Variants in ADK observed in about 807,000 individuals in gnomAD.
ADK encodes the protein adenosine kinase, also known as N6,N6-dimethyladenosine kinase.
A neutral mutation model predicts 44.7 loss-of-function variants in ADK; 24 were observed. That is an observed-to-expected ratio of 0.54 (90% CI 0.39 to 0.76). The LOEUF (loss-of-function observed/expected upper bound fraction) is 0.76. Ranked by LOEUF, ADK falls within the 30% of genes least tolerant of loss-of-function variation. The pLI, the probability that ADK is intolerant of heterozygous loss-of-function variation, is 0.00. For synonymous variants in ADK, 128 were observed against 142.6 expected (o/e 0.90, Z 0.73); for missense variants, 321 against 425.1 (o/e 0.76, Z 2.15).
chr10:74,188,031 T>C (rs1388324826), intron 1 of ADK, among the ~76,000 whole-genome samples: 2 of 152,252 alleles, frequency 1.3e-5, no homozygotes, highest in South Asian at 2.1e-4. Context: ...TAAATTAGTG[T>C]AATTACTTTT....
chr10:74,303,585 G>GTTTTTTTTTTTTTTTTTTTTTTTTTTT lies in ADK; in HGVS notation c.195-11080_195-11079insTTTTTTTTTTTTTTTTTTTTTTTTTTT, dbSNP rs1282565148. Among the ~76,000 whole-genome samples, 242 of 64,642 alleles carry GTTTTTTTTTTTTTTTTTTTTTTTTTTT rather than the reference G, an allele frequency of 3.7e-3. 84 individuals carry two copies. The highest frequency in any genetic ancestry group is 4.7e-3 in the Non-Finnish European group (190 of 40,792). The allele number at this position is 64,642 out of a possible 152,430, so 42.4% of individuals were successfully genotyped here. A position where few individuals can be genotyped will look rare whatever the true frequency, so the allele number is the denominator to read the frequency against. On this transcript the variant is annotated intron_variant, in intron 3 of 10. Transcript: ENST00000539909. ...AAACACTTTTCATATTGGTTTTAAT[G>GTTTTTTTTTTTTTTTTTTTTTTTTTTT]TTGTTTTTTTTTTTTTTTTTTTTTT...
At chr10:74,588,506 T>A (rs1045874048) in intron 7 of ADK, among the ~76,000 whole-genome samples, 3 of 152,194 alleles carry the variant, frequency 2.0e-5, no homozygotes, top group Non-Finnish European at 4.4e-5. Flanking sequence ...TGTTCCCCTA[T>A]CCTCTGTATT....
chr10:74,691,014 C>T (rs1471296963), intron 10 of ADK, among the ~76,000 whole-genome samples: 1 of 152,172 alleles, frequency 6.6e-6, no homozygotes. Flanking sequence ...TATAATTTAT[C>T]TTATTCCCTT....
intron 3 of ADK, among the ~76,000 whole-genome samples, chr10:74,275,882 C>T (rs184977960): frequency 6.6e-6 from 1 of 152,270 alleles, no homozygotes; most frequent in African/African-American, 2.4e-5. Flanking sequence ...CTCAGGTGAT[C>T]TGCCTGCCTC....
At chr10:74,656,856 G>A (rs893343543) in intron 9 of ADK, among the ~76,000 whole-genome samples, 3 of 152,092 alleles carry the variant, frequency 2.0e-5, no homozygotes, top group African/African-American at 7.2e-5. Flanking sequence ...GTGTTTTGTG[G>A]TGTTTGTTTT....
chr10:74,233,800 T>G (rs937897951), intron 3 of ADK, among the ~76,000 whole-genome samples: 24 of 152,308 alleles, frequency 1.6e-4, no homozygotes, highest in Non-Finnish European at 2.9e-4. Context: ...GCTTCTGAAT[T>G]TCTAGCATAA....
intron 1 of ADK, among the ~76,000 whole-genome samples, chr10:74,168,006 G>A (rs1842074795): frequency 6.6e-6 from 1 of 152,174 alleles, no homozygotes; most frequent in Admixed American, 6.5e-5. Context: ...TGCTTTTGAA[G>A]AAATGATTTA....
At chr10:74,545,296 T>C (rs1440409431) in intron 7 of ADK, among the ~76,000 whole-genome samples, 2 of 152,200 alleles carry the variant, frequency 1.3e-5, no homozygotes, top group East Asian at 3.8e-4. Context: ...TTTTTCAAAA[T>C]AGGAATCTGC....
intron 4 of ADK, among the ~76,000 whole-genome samples, chr10:74,326,310 A>T (rs923311789): frequency 6.6e-6 from 1 of 151,944 alleles, no homozygotes; most frequent in Non-Finnish European, 1.5e-5. Flanking sequence ...TTTCGCTTTG[A>T]ATATTTGGTA....
At chr10:74,369,049 A>G (rs1386777168) in intron 4 of ADK, among the ~76,000 whole-genome samples, 4 of 152,186 alleles carry the variant, frequency 2.6e-5, no homozygotes, top group African/African-American at 9.7e-5. Context: ...GAGTCTACTA[A>G]TTCACTGTAG....
chr10:74,396,823 G>A (rs2132842893), intron 5 of ADK, among the ~76,000 whole-genome samples: 1 of 152,142 alleles, frequency 6.6e-6, no homozygotes, highest in South Asian at 2.1e-4. Flanking sequence ...GAGCATCATG[G>A]CGGGCACTTG....
chr10:74,283,169 G>A (rs1024047911), intron 3 of ADK, among the ~76,000 whole-genome samples: 7 of 152,120 alleles, frequency 4.6e-5, no homozygotes, highest in Admixed American at 2.6e-4. Context: ...TAGTTCTCAT[G>A]TAGATGACGT....
chr10:74,242,434 A>T (rs752750495), intron 3 of ADK, among the ~76,000 whole-genome samples: 4 of 152,256 alleles, frequency 2.6e-5, no homozygotes, highest in Non-Finnish European at 4.4e-5. Flanking sequence ...TATGTGATTA[A>T]CCAACAGTTA....
At chr10:74,151,734 A>G (rs1397171870) in intron 1 of ADK, among the ~76,000 whole-genome samples, 1 of 152,190 alleles carries the variant, frequency 6.6e-6, no homozygotes, top group African/African-American at 2.4e-5. Flanking sequence ...CAACTGCTGT[A>G]CACTGGGGCA....
rs192328204 is a variant in ADK at position 74,687,765 on chromosome 10, C to T, written c.964+17496C>T. Among the ~76,000 whole-genome samples the T allele has an allele frequency of 3.1e-3, 465 of 152,258 alleles. 1 individual carries two copies. The highest frequency in any genetic ancestry group is 5.5e-3 in the Non-Finnish European group (373 of 68,032). ...AACCGTCAGTGAGTTCTTTTGATTC[C>T]GCTTTAAGGATGTATCTCAAATTTG... is the stretch of plus-strand genomic sequence containing the variant. On this transcript the variant is annotated intron_variant, in intron 10 of 10. Transcript: ENST00000539909.
At position 74,398,514 on chromosome 10, in the gene ADK, G is replaced by A. The variant is rs748654493; in HGVS notation, c.490G>A (p.Glu164Lys). The A allele has an allele frequency of 6.2e-7, 1 of 1,611,744 alleles. No homozygotes were observed. Reference protein sequence around the residue: ...NLAAANCYKKEKHLDLEKNWM... With the variant: ...NLAAANCYKKKKHLDLEKNWM... ...TGCTGCTGCCAATTGTTATAAAAAG[G>A]AAAAACATCTTGATCTGGAGAAAAA... The change falls in exon 6 of 11, where the codon GAA (glutamate) becomes AAA (lysine). Residue 164 changes from glutamate to lysine, a missense_variant. Transcript: ENST00000539909.
intron 9 of ADK, among the ~76,000 whole-genome samples, chr10:74,654,257 C>T (rs774614086): frequency 6.6e-6 from 1 of 152,174 alleles, no homozygotes; most frequent in Non-Finnish European, 1.5e-5. Flanking sequence ...TGTCCTACTC[C>T]TGAAATAATT....
chr10:74,484,732 A>G (rs1227379903), intron 6 of ADK, among the ~76,000 whole-genome samples: 1 of 152,242 alleles, frequency 6.6e-6, no homozygotes, highest in African/African-American at 2.4e-5. Flanking sequence ...CTATTAGGAC[A>G]GTGGTAGACC....
Position 74,385,371 on chromosome 10 carries a change from G to A in ADK, c.274-8770G>A, listed in dbSNP as rs181913675. ...ACAAGTATAAGCTAAAAATGAGGGG[G>A]TCTCAGCATATAGATGATAATTGAA... On this transcript the variant is annotated intron_variant, in intron 4 of 10. Transcript: ENST00000539909. Among the ~76,000 whole-genome samples the A allele has an allele frequency of 1.4e-4, 22 of 151,754 alleles. No individual in the cohort carries two copies. In the East Asian group the frequency reaches 4.1e-3, roughly 28 times the overall value.
Sources: gnomAD v4.1 joint callset for allele counts (sites outside exome capture counted in the v4.1 genomes callset) on GRCh38, gnomAD v4.1.1 for gene constraint, MANE v1.5 for transcripts, NCBI Gene and HGNC (gene_info 2026-07-23, HGNC 2026-07-21) for gene names.